CASZ1: variants seen among roughly 807,000 people sequenced by gnomAD.
CASZ1 encodes the protein castor zinc finger 1, also known as zinc finger protein castor homolog 1.
In CASZ1, 28 loss-of-function variants were observed where a neutral mutation model predicts 135.2. That is an observed-to-expected ratio of 0.21 (90% CI 0.15 to 0.28). CASZ1 has a LOEUF of 0.28. Ranked by LOEUF, CASZ1 falls within the 10% of genes least tolerant of loss-of-function variation. CASZ1 has a pLI of 1.00. For synonymous variants in CASZ1, 1,068 were observed against 1,073.4 expected (o/e 0.99, Z 0.10); for missense variants, 2,161 against 2,453.3 (o/e 0.88, Z 2.52).
Position 10,681,214 on chromosome 1 carries a change from C to T in CASZ1, c.16+12660G>A, listed in dbSNP as rs555014826. Among the ~76,000 whole-genome samples, 57 of 146,318 alleles carry T rather than the reference C, an allele frequency of 3.9e-4. No homozygotes were observed. The East Asian group carries it at 7.6e-3, about 20-fold the overall frequency. On this transcript the variant is annotated intron_variant, in intron 4 of 20. Coordinates refer to ENST00000377022, the MANE Select transcript of CASZ1 (RefSeq NM_001079843.3). ...CCGTGCCTGACCTTTTTTTTTTTTT[C>T]CTTGAAGTCTTTTATCCATTACCCT...
chr1:10,782,986 C>G (rs1640789227), intron 1 of CASZ1, among the ~76,000 whole-genome samples: 1 of 152,172 alleles, frequency 6.6e-6, no homozygotes, highest in Non-Finnish European at 1.5e-5. Context: ...ACTGTCAGCT[C>G]CAATCCATTT....
At chr1:10,687,626 A>G (rs1054421212) in intron 4 of CASZ1, among the ~76,000 whole-genome samples, 1 of 152,170 alleles carries the variant, frequency 6.6e-6, no homozygotes, top group African/African-American at 2.4e-5. Context: ...AGAATGAGAG[A>G]GGGCAGACAT....
In CASZ1 at chr1:10,654,588, C is replaced by T. The variant is rs200633393; in HGVS notation, c.1669G>A (p.Gly557Ser). The T allele has an allele frequency of 4.0e-5, 65 of 1,613,930 alleles. No individual in the cohort carries two copies. The highest frequency in any genetic ancestry group is 8.5e-7 in the Non-Finnish European group (1 of 1,179,918). The change falls in exon 10 of 21, where the codon GGC becomes AGC. Residue 557 changes from glycine to serine, a missense_variant. Gly to Ser is a moderately conservative substitution (Grantham distance 56, BLOSUM62 0). Transcript: ENST00000377022. Reference protein sequence around the residue: ...KSTHYHCMQVGCNKVYTSTSD... With the variant: ...KSTHYHCMQVSCNKVYTSTSD... Reference sequence around the variant, plus strand: ...GTGCTCGTGTACACCTTGTTACAGCCCACCTGCACAGGACGGGATGGTGGT... The same window carrying T: ...GTGCTCGTGTACACCTTGTTACAGCTCACCTGCACAGGACGGGATGGTGGT...
At chr1:10,784,852 C>T (rs1205962236) in intron 1 of CASZ1, among the ~76,000 whole-genome samples, 1 of 152,174 alleles carries the variant, frequency 6.6e-6, no homozygotes, top group Admixed American at 6.5e-5. Flanking sequence ...AAGCATGAAC[C>T]ACCGCACCTG....
intron 2 of CASZ1, among the ~76,000 whole-genome samples, chr1:10,729,357 C>T (rs1309008547): frequency 6.6e-6 from 1 of 152,156 alleles, no homozygotes; most frequent in Non-Finnish European, 1.5e-5. Flanking sequence ...CACTGCGGGG[C>T]AGCCGGGCCC....
chr1:10,709,922 A>G lies in CASZ1; in HGVS notation c.-76-4378T>C, dbSNP rs1639254427. ...CTCGGGAAAGGAGCCTGGGCCCCGG[A>G]CCAGGGAGGGGCGGTGGGGGTGGCT... On this transcript the variant is annotated intron_variant, in intron 2 of 20. Coordinates refer to ENST00000377022, the MANE Select transcript of CASZ1 (RefSeq NM_001079843.3). The surrounding 1 kb of genome is among the most constrained non-coding windows in gnomAD (Gnocchi z 5.1). 6.6e-6 allele frequency among the ~76,000 whole-genome samples: 1 copy of G among 152,142 alleles called. No individual in the cohort carries two copies. The highest frequency in any genetic ancestry group is 1.5e-5 in the Non-Finnish European group (1 of 68,016).
rs563356436 is a variant in CASZ1, at chr1:10,655,644, G to C, written c.1665+5C>G. The C allele has an allele frequency of 1.9e-6, 3 of 1,610,042 alleles. No individual in the cohort carries two copies. The highest frequency in any genetic ancestry group is 4.5e-5 in the East Asian group (2 of 44,728). On this transcript the variant is annotated splice_donor_5th_base_variant and intron_variant, in intron 9 of 20. Transcript: ENST00000377022. ...CTGCCCAGTGGGCCCGGGTGCGGGAGGCACCTGCATGCAGTGATAGTGGGT... is the reference window on the plus strand; with the variant it reads ...CTGCCCAGTGGGCCCGGGTGCGGGACGCACCTGCATGCAGTGATAGTGGGT...
In CASZ1 at chr1:10,653,891, G is replaced by A. The variant is rs750834207; in HGVS notation, c.2166C>T (p.Asn722=). 1.9e-5 allele frequency: 31 copies of A among 1,613,268 alleles called. No homozygotes were observed. In the South Asian group the frequency reaches 2.4e-4, roughly 13 times the overall value. ...GGGCGGAGAAGTCAACAAGGTCGTCGTTGCTGGACTCCTCGTGCTCCGTGT... is the reference window on the plus strand; with the variant it reads ...GGGCGGAGAAGTCAACAAGGTCGTCATTGCTGGACTCCTCGTGCTCCGTGT... The part of the protein sequence containing the change: ...AKDTEHEESS[N]DDLVDFSALS... Residue 722 remains asparagine (N), a synonymous_variant, in exon 11 of 21, where the codon AAC becomes AAT. Transcript: ENST00000377022.
chr1:10,663,022 C>T (rs1375050644), intron 5 of CASZ1, among the ~76,000 whole-genome samples: 1 of 152,180 alleles, frequency 6.6e-6, no homozygotes, highest in East Asian at 1.9e-4. Context: ...TCCCGTGTGC[C>T]ATGCCCTGCA....
In CASZ1 at chr1:10,653,839, C is replaced by T. The variant is rs142574790; in HGVS notation, c.2218G>A (p.Ala740Thr). The T allele has an allele frequency of 5.5e-5, 88 of 1,608,186 alleles. No individual in the cohort carries two copies. The highest frequency in any genetic ancestry group is 3.4e-5 in the Admixed American group (2 of 59,672). The change falls in exon 11 of 21, where the codon GCC becomes ACC. Residue 740 changes from alanine to threonine, a missense_variant. Coordinates refer to ENST00000377022, the MANE Select transcript of CASZ1 (RefSeq NM_001079843.3). ...GAGGACTGCTGGCTGGTAGGGGAGGCGCTCAGGCTGGAGTTCTTGCTGCTC... is the reference window on the plus strand; with the variant it reads ...GAGGACTGCTGGCTGGTAGGGGAGGTGCTCAGGCTGGAGTTCTTGCTGCTC... ...ALSSKNSSLSASPTSQQSSAS... is the reference protein window; with the variant it reads ...ALSSKNSSLSTSPTSQQSSAS...
At position 10,637,322 on chromosome 1, in the gene CASZ1, G is replaced by A. The variant is rs1198576258; in HGVS notation, c.*1620C>T. 6.5e-6 allele frequency: 1 copy of A among 152,688 alleles called. No individual in the cohort carries two copies. The highest frequency in any genetic ancestry group is 2.4e-5 in the African/African-American group (1 of 41,550). 9.5% of individuals were successfully genotyped at this position (152,688 alleles called of 1,614,324 possible). A position where few individuals can be genotyped will look rare whatever the true frequency, so the allele number is the denominator to read the frequency against. Reference sequence around the variant, plus strand: ...TGTTTTAGAAAATAACTGATTTCCTGTTGAATCAGGTACGCTCCGTGCGAC... The same window carrying A: ...TGTTTTAGAAAATAACTGATTTCCTATTGAATCAGGTACGCTCCGTGCGAC... On this transcript the variant is annotated 3_prime_UTR_variant, in exon 21 of 21. Transcript: ENST00000377022.
intron 3 of CASZ1, 44 bp from the exon 4 acceptor site, chr1:10,693,956 C>G: frequency 6.3e-7 from 1 of 1,583,104 alleles, no homozygotes; most frequent in Non-Finnish European, 8.6e-7. Flanking sequence ...AGAAGAAACA[C>G]GGGGTTAGCG....
chr1:10,779,778 T>C (rs1181074955), intron 1 of CASZ1, among the ~76,000 whole-genome samples: 1 of 152,212 alleles, frequency 6.6e-6, no homozygotes, highest in Non-Finnish European at 1.5e-5. Flanking sequence ...ATCCTCGGGA[T>C]GATAATTTGT....
Position 10,785,209 on chromosome 1 carries a change from TTCCTTA to T in CASZ1, c.-234+11349_-234+11354del, listed in dbSNP as rs538958958. Among the ~76,000 whole-genome samples the T allele has an allele frequency of 5.6e-3, 457 of 80,958 alleles. 3 individuals are homozygous for T. Among genetic ancestry groups the T allele is most frequent in the Non-Finnish European group, 8.5e-3 (261 of 30,602 alleles). 53.1% of individuals were successfully genotyped at this position (80,958 alleles called of 152,430 possible). A position where few individuals can be genotyped will look rare whatever the true frequency, so the allele number is the denominator to read the frequency against. ...CTCATTCCTTCCCTTTCTTTCTCTT[TTCCTTA>T]TCCTTATCTTCCTTTCTTTCTTTCC... On this transcript the variant is annotated intron_variant, in intron 1 of 20. Coordinates refer to ENST00000377022, the MANE Select transcript of CASZ1 (RefSeq NM_001079843.3).
intron 4 of CASZ1, among the ~76,000 whole-genome samples, chr1:10,677,921 C>T (rs114491998): frequency 0.011 from 1,629 of 152,330 alleles, 32 homozygotes; most frequent in African/African-American, 0.037. Context: ...CAGGCTCCCC[C>T]GTTCTCCAGG....
intron 8 of CASZ1, 47 bp from the exon 9 acceptor site, chr1:10,655,860 C>T (rs774784536): frequency 1.0e-5 from 16 of 1,593,220 alleles, no homozygotes; most frequent in Middle Eastern, 1.8e-4. Flanking sequence ...GCTCCCCCTC[C>T]GCCCTTCCTC....
rs368415645 is a variant in CASZ1 at position 10,719,560 on chromosome 1, G to A, written c.-76-14016C>T. ...CGAACAAGTTTCTAAGGGACACTCA[G>A]GTCCACCTGGAGCACGAGGAGAGGC... On this transcript the variant is annotated intron_variant, in intron 2 of 20. Coordinates refer to ENST00000377022, the MANE Select transcript of CASZ1 (RefSeq NM_001079843.3). The surrounding 1 kb of genome is among the most constrained non-coding windows in gnomAD (Gnocchi z 4.0). Among the ~76,000 whole-genome samples, 14 of 152,180 alleles carry A rather than the reference G, an allele frequency of 9.2e-5. No individual in the cohort carries two copies. Among genetic ancestry groups the A allele is most frequent in the African/African-American group, 3.4e-4 (14 of 41,442 alleles).
chr1:10,640,201 G>A, intron 20 of CASZ1, 142 bp from the exon 21 acceptor site: 1 of 1,231,348 alleles, frequency 8.1e-7, no homozygotes, highest in South Asian at 1.5e-5. Flanking sequence ...TGGCTTGGGA[G>A]GCCTCTCCTG....
chr1:10,790,504 C>T (rs1343624044), intron 1 of CASZ1, among the ~76,000 whole-genome samples: 1 of 152,186 alleles, frequency 6.6e-6, no homozygotes, highest in Non-Finnish European at 1.5e-5. Flanking sequence ...CAAGAGGTTA[C>T]GGGCTCAATT....
Sources: allele counts gnomAD v4.1 joint callset (sites outside exome capture counted in the v4.1 genomes callset), GRCh38; gene constraint gnomAD v4.1.1; non-coding constraint Gnocchi (gnomAD v3.1); transcripts MANE v1.5; gene names NCBI Gene and HGNC (gene_info 2026-07-23, HGNC 2026-07-21).